HMCN1: variants seen among roughly 807,000 people sequenced by gnomAD.
HMCN1 encodes the protein hemicentin 1.
In HMCN1, 321 loss-of-function variants were observed where a neutral mutation model predicts 625.9. The observed-to-expected ratio is 0.51, with a 90% CI of 0.47 to 0.56. The LOEUF (loss-of-function observed/expected upper bound fraction) is 0.56, where lower values mean the gene tolerates loss of function less well. HMCN1 is among the 20% of genes least tolerant of loss of function. HMCN1 has a pLI of 0.00. For synonymous variants in HMCN1, 2,425 were observed against 2,417.6 expected, an observed-to-expected ratio of 1.00 and a Z score of -0.09; for missense variants, 6,588 against 6,887.3, an observed-to-expected ratio of 0.96 and a Z score of 1.54.
rs79158621 is a variant in HMCN1 at position 185,774,182 on chromosome 1, T to C, written c.268+39135T>C. On this transcript the variant is annotated intron_variant, in intron 1 of 106. Transcript: ENST00000271588. ...AAAAATAATTTGTTTTTTTAAAGCTTGGGGGAGTTGAACATATATCCTAAG... is the reference window on the plus strand; with the variant it reads ...AAAAATAATTTGTTTTTTTAAAGCTCGGGGGAGTTGAACATATATCCTAAG... Among the ~76,000 whole-genome samples, 451 of 152,164 alleles carry C rather than the reference T, an allele frequency of 3.0e-3. 5 individuals carry two copies. Among genetic ancestry groups the C allele is most frequent in the Admixed American group, 0.024 (367 of 15,272 alleles).
intron 100 of HMCN1, among the ~76,000 whole-genome samples, chr1:186,171,094 T>G (rs1652203248): frequency 6.6e-6 from 1 of 151,800 alleles, no homozygotes; most frequent in Non-Finnish European, 1.5e-5. Context: ...AGTAGAAGAG[T>G]GTTTCATTGA....
intron 11 of HMCN1, among the ~76,000 whole-genome samples, chr1:185,942,925 T>G (rs1271560116): frequency 6.6e-6 from 1 of 152,176 alleles, no homozygotes; most frequent in Non-Finnish European, 1.5e-5. Context: ...TTTACTTTTT[T>G]TTTTTAATAA....
At chr1:185,885,760 T>G (rs1664606154) in intron 4 of HMCN1, among the ~76,000 whole-genome samples, 1 of 152,034 alleles carries the variant, frequency 6.6e-6, no homozygotes, top group African/African-American at 2.4e-5. Context: ...CATTTAATTA[T>G]CTACCCTGAA....
chr1:186,161,288 T>C (rs1651457559), intron 97 of HMCN1, among the ~76,000 whole-genome samples: 1 of 152,016 alleles, frequency 6.6e-6, no homozygotes, highest in African/African-American at 2.4e-5. Context: ...TCTTCCTCCA[T>C]CCCTTTATTT....
rs1657018018 is a variant in HMCN1 at position 185,780,710 on chromosome 1, G to T, written c.268+45663G>T. ...ACAGGGATGAAGCCCACTTGATTGT[G>T]GTGGATAAGCTTTTTGATGTGCTGC... On this transcript the variant is annotated intron_variant, in intron 1 of 106. Transcript: ENST00000271588. Among the ~76,000 whole-genome samples the T allele has an allele frequency of 2.6e-5, 4 of 152,310 alleles. No individual in the cohort carries two copies. The South Asian group carries it at 8.3e-4, about 32-fold the overall frequency.
intron 102 of HMCN1, among the ~76,000 whole-genome samples, chr1:186,173,000 A>G (rs1226954625): frequency 6.6e-6 from 1 of 152,194 alleles, no homozygotes; most frequent in Non-Finnish European, 1.5e-5. Flanking sequence ...CAGAAAAAGG[A>G]AAGCAAGAAA....
rs35881312 is a variant in HMCN1 at position 185,927,973 on chromosome 1, A to AT, written c.1431-566dup. The stretch of plus-strand genomic sequence containing the variant: ...AATGAATACATAATATAGTAGAGGG[A>AT]TTTTTTTAACCTACATGATAGAGTT... On this transcript the variant is annotated intron_variant, in intron 9 of 106. Transcript: ENST00000271588. Among the ~76,000 whole-genome samples the AT allele has an allele frequency of 5.2e-4, 79 of 152,138 alleles. 2 individuals are homozygous for AT. The South Asian group carries it at 0.016, about 30-fold the overall frequency.
At position 186,151,355 on chromosome 1, in the gene HMCN1, T is replaced by A; in HGVS notation, c.14758+6T>A. On this transcript the variant is annotated splice_donor_region_variant and intron_variant, in intron 94 of 106. Transcript: ENST00000271588. ...CAATGTACCTCGTAGTCTTGGTAAG[T>A]CTTTGCCTCAAGCCTCTTTTTAAAA... is the stretch of plus-strand genomic sequence containing the variant. 4 of 1,612,718 alleles carry A rather than the reference T, an allele frequency of 2.5e-6. No homozygotes were observed. Among genetic ancestry groups the A allele is most frequent in the Non-Finnish European group, 3.4e-6 (4 of 1,179,010 alleles).
At position 185,928,660 on chromosome 1, in the gene HMCN1, C is replaced by A; in HGVS notation, c.1545C>A (p.Asp515Glu). Residue 515 changes from aspartate (D) to glutamate (E), a missense_variant, in exon 10 of 107, where the codon GAC (aspartate) becomes GAA (glutamate). Around this residue, in one of 3 missense-constraint regions of HMCN1, gnomAD observed 4,628 missense variants for 4,853.1 expected, o/e 0.95. Coordinates refer to ENST00000271588, the MANE Select transcript of HMCN1 (RefSeq NM_031935.3). ...CTGGACGGGCACAGACATTTTTTGA[C>A]GTATCAGGTAATTACCACTAATTTC... ...AGTGRAQTFF[D>E]VSEPPPVIQV... The A allele has an allele frequency of 1.9e-6, 3 of 1,613,114 alleles. No individual in the cohort carries two copies. The highest frequency in any genetic ancestry group is 2.5e-6 in the Non-Finnish European group (3 of 1,179,232).
chr1:185,877,456 TG>T (rs1419699785), intron 4 of HMCN1, among the ~76,000 whole-genome samples: 1 of 151,484 alleles, frequency 6.6e-6, no homozygotes, highest in Non-Finnish European at 1.5e-5. Context: ...GGCTCTTTTT[TG>T]GTTCAATATT....
At position 186,190,109 on chromosome 1, in the gene HMCN1, G is replaced by A. The variant is rs1376011074; in HGVS notation, c.*231G>A. ...CCCTTATTATTTTATTTATTACACT[G>A]GAGCAGTTACTTCCCAAAGATTATT... On this transcript the variant is annotated 3_prime_UTR_variant, in exon 107 of 107. Transcript: ENST00000271588. 3 of 564,808 alleles carry A rather than the reference G, an allele frequency of 5.3e-6. No homozygotes were observed. The highest frequency in any genetic ancestry group is 6.0e-5 in the Admixed American group (2 of 33,194). 35.0% of individuals were successfully genotyped at this position (564,808 alleles called of 1,614,324 possible).
chr1:185,769,324 T>G (rs1353240130), intron 1 of HMCN1, among the ~76,000 whole-genome samples: 1 of 152,086 alleles, frequency 6.6e-6, no homozygotes, highest in East Asian at 1.9e-4. Context: ...GGCATGCACC[T>G]GTTGCCCCAG....
chr1:186,038,094 A>G (rs1262604475), intron 37 of HMCN1, 59 bp downstream of exon 37: 3 of 1,168,988 alleles, frequency 2.6e-6, no homozygotes, highest in Non-Finnish European at 3.9e-6. Flanking sequence ...AATAACTGAA[A>G]TTGGTTTTGA....
At chr1:186,188,203 C>T (rs1026542060) in intron 106 of HMCN1, among the ~76,000 whole-genome samples, 194 bp downstream of exon 106, 1 of 152,206 alleles carries the variant, frequency 6.6e-6, no homozygotes, top group African/African-American at 2.4e-5. Flanking sequence ...GCCACTGCCA[C>T]CCAAGCTCAC....
In HMCN1 at chr1:185,852,058, G is replaced by C. The variant is rs139463465; in HGVS notation, c.339+5962G>C. Among the ~76,000 whole-genome samples the C allele has an allele frequency of 3.2e-3, 481 of 152,078 alleles. 4 individuals carry two copies. The highest frequency in any genetic ancestry group is 0.011 in the African/African-American group (459 of 41,536). ...AGAGTTATGAAGATGATAGGGTGAG[G>C]TCCAGGAGAATAAATGGGTTTAAAC... is the stretch of plus-strand genomic sequence containing the variant. On this transcript the variant is annotated intron_variant, in intron 2 of 106. Coordinates refer to ENST00000271588, the MANE Select transcript of HMCN1 (RefSeq NM_031935.3).
chr1:186,145,654 C>T, intron 92 of HMCN1, 81 bp downstream of exon 92: 1 of 1,610,362 alleles, frequency 6.2e-7, no homozygotes, highest in Non-Finnish European at 8.5e-7. Flanking sequence ...TGCTTCAGAC[C>T]TTAAAATGAA....
chr1:185,922,526 G>T, intron 7 of HMCN1, 27 bp downstream of exon 7: 1 of 1,570,412 alleles, frequency 6.4e-7, no homozygotes, highest in South Asian at 1.1e-5. Context: ...TATTTAAATT[G>T]ACATAATAGA....
chr1:186,117,758 G>T, intron 77 of HMCN1, 135 bp downstream of exon 77: 1 of 896,668 alleles, frequency 1.1e-6, no homozygotes, highest in East Asian at 2.5e-5. Flanking sequence ...CTGGAAAACA[G>T]ATTGTTAAAA....
chr1:185,767,267 A>G (rs1655935905), intron 1 of HMCN1, among the ~76,000 whole-genome samples: 2 of 152,138 alleles, frequency 1.3e-5, no homozygotes, highest in African/African-American at 4.8e-5. Flanking sequence ...CAACTGAGAG[A>G]TTGATTTAGT....
Sources: allele counts gnomAD v4.1 joint callset (sites outside exome capture counted in the v4.1 genomes callset), GRCh38; gene constraint gnomAD v4.1.1; regional missense constraint gnomAD v4.1.1; transcripts MANE v1.5; gene names NCBI Gene and HGNC (gene_info 2026-07-23, HGNC 2026-07-21).